RAB33A: variants seen among roughly 807,000 people sequenced by gnomAD.
RAB33A encodes the protein ras-related protein Rab-33A.
RAB33A carries 6 observed loss-of-function variants against 12.0 expected under a neutral mutation model. The ratio of observed to expected loss-of-function variants is 0.50; its 90% confidence interval spans 0.27 to 0.99. RAB33A has a LOEUF of 0.99. Among genes scored for constraint, RAB33A ranks in the 50% least tolerant of loss-of-function variants. RAB33A has a pLI of 0.11. For missense variants in RAB33A, 109 were observed against 192.0 expected (o/e 0.57, Z 2.55); for synonymous variants, 70 against 82.4 (o/e 0.85, Z 0.81).
At chrX:130,150,442 TCTC>T in the RAB33A span, among the ~76,000 whole-genome samples, 2 of 97,430 alleles carry the variant, frequency 2.1e-5, no homozygotes, top group African/African-American at 7.5e-5. Flanking sequence ...TTCACGCCAT[TCTC>T]CTGCCTCAGC....
the RAB33A span, chrX:130,149,373 G>T: frequency 1.4e-6 from 1 of 693,245 alleles, no homozygotes; most frequent in Non-Finnish European, 2.3e-6. Flanking sequence ...TACCACCATT[G>T]CTTCTACAAG....
intron 1 of RAB33A, among the ~76,000 whole-genome samples, chrX:130,176,055 AC>A (rs999907046): frequency 1.8e-5 from 2 of 111,168 alleles, no homozygotes; most frequent in African/African-American, 6.6e-5. Flanking sequence ...GGTCCATCCA[AC>A]CCACAAGGCC....
Position 130,184,436 on chromosome X carries a change from G to T in RAB33A, c.410G>T (p.Gly137Val). 8.3e-7 allele frequency: 1 copy of T among 1,210,370 alleles called. No homozygotes were observed. Among genetic ancestry groups the T allele is most frequent in the Non-Finnish European group, 1.1e-6 (1 of 895,216 alleles). Reference protein sequence around the residue: ...NLKMWIQECNGHAVPPLVPKV... With the variant: ...NLKMWIQECNVHAVPPLVPKV... Reference sequence around the variant, plus strand: ...AAAATGTGGATCCAAGAATGCAATGGGCATGCTGTGCCCCCACTAGTCCCC... The same window carrying T: ...AAAATGTGGATCCAAGAATGCAATGTGCATGCTGTGCCCCCACTAGTCCCC... Residue 137 changes from glycine to valine, a missense_variant, in exon 2 of 2, where the codon GGG becomes GTG. Coordinates refer to ENST00000257017, the MANE Select transcript of RAB33A (RefSeq NM_004794.3).
the RAB33A span, chrX:130,138,584 A>G: frequency 6.0e-6 from 7 of 1,170,290 alleles, no homozygotes; most frequent in African/African-American, 8.9e-5. Flanking sequence ...GTCACTCCTC[A>G]ATACTCACCC....
the RAB33A span, among the ~76,000 whole-genome samples, chrX:130,135,659 C>G: frequency 6.3e-5 from 7 of 111,090 alleles, no homozygotes; most frequent in African/African-American, 2.3e-4. Context: ...GAGTAATTTT[C>G]CTTTCTAGGG....
At chrX:130,129,537 G>T in the RAB33A span, 27 of 1,204,526 alleles carry the variant, frequency 2.2e-5, no homozygotes, top group Non-Finnish European at 2.8e-5. Flanking sequence ...CAGTGGGTTT[G>T]CCAATTCCAC....
the RAB33A span, among the ~76,000 whole-genome samples, chrX:130,163,249 G>T: frequency 1.9e-5 from 2 of 105,346 alleles, no homozygotes; most frequent in African/African-American, 7.0e-5. Flanking sequence ...GGCAGAGGTT[G>T]CAGTGAGCCA....
the RAB33A span, among the ~76,000 whole-genome samples, chrX:130,111,509 A>T: frequency 8.9e-6 from 1 of 112,478 alleles, no homozygotes; most frequent in Non-Finnish European, 1.9e-5. Flanking sequence ...TTGGAACCAT[A>T]TGCCCGACTC....
At chrX:130,146,865 G>A in the RAB33A span, among the ~76,000 whole-genome samples, 5 of 112,222 alleles carry the variant, frequency 4.5e-5, no homozygotes, top group Non-Finnish European at 9.4e-5. Context: ...GTCTAGGCAA[G>A]TATAAAGAAG....
intron 1 of RAB33A, among the ~76,000 whole-genome samples, chrX:130,174,431 G>A (rs1256088180): frequency 8.9e-6 from 1 of 112,113 alleles, no homozygotes; most frequent in African/African-American, 3.2e-5. Flanking sequence ...TCAGGACCAT[G>A]CTGGCAGGCG....
At chrX:130,137,308 C>G in the RAB33A span, 2 of 1,184,337 alleles carry the variant, frequency 1.7e-6, no homozygotes, top group South Asian at 3.7e-5. Context: ...CAATCCAGGC[C>G]GAGCGCCCAC....
At chrX:130,157,385 G>A in the RAB33A span, among the ~76,000 whole-genome samples, 1 of 112,019 alleles carries the variant, frequency 8.9e-6, no homozygotes, top group East Asian at 2.8e-4. Flanking sequence ...TTCAGATAAA[G>A]GAAGGTCTCA....
the RAB33A span, chrX:130,156,649 A>C: frequency 5.2e-6 from 6 of 1,156,447 alleles, no homozygotes; most frequent in African/African-American, 8.9e-5. Context: ...AAAATAAAAT[A>C]GTTAATACAT....
chrX:130,129,540 A>G, the RAB33A span: 6 of 1,207,625 alleles, frequency 5.0e-6, no homozygotes, highest in Non-Finnish European at 6.7e-6. Flanking sequence ...TGGGTTTGCC[A>G]ATTCCACTGT....
At chrX:130,121,984 T>C in the RAB33A span, among the ~76,000 whole-genome samples, 2 of 111,205 alleles carry the variant, frequency 1.8e-5, no homozygotes, top group Admixed American at 9.5e-5. Context: ...AAGTGTGGAG[T>C]GTTCTGAGCC....
the RAB33A span, among the ~76,000 whole-genome samples, chrX:130,119,137 C>CA: frequency 9.0e-6 from 1 of 110,955 alleles, no homozygotes; most frequent in African/African-American, 3.3e-5. Flanking sequence ...ATGTGTCAGC[C>CA]AAGGATGAAA....
chrX:130,178,211 C>T (rs913317691), intron 1 of RAB33A, among the ~76,000 whole-genome samples: 2 of 108,953 alleles, frequency 1.8e-5, no homozygotes, highest in African/African-American at 3.4e-5. Context: ...CCAGTTACTC[C>T]GAAGGCTGAA....
At chrX:130,165,775 T>C in the RAB33A span, 11 of 615,638 alleles carry the variant, frequency 1.8e-5, no homozygotes, top group Non-Finnish European at 2.7e-5. Context: ...TTACGCAGAC[T>C]CCTCCTCCCA....
upstream of RAB33A, among the ~76,000 whole-genome samples, chrX:130,168,982 C>T (rs1331104384): frequency 3.6e-5 from 4 of 110,016 alleles, no homozygotes; most frequent in East Asian, 2.9e-4. Context: ...CCAAGGCGGG[C>T]GGATCACGAG....
Sources: allele counts gnomAD v4.1 joint callset (sites outside exome capture counted in the v4.1 genomes callset), GRCh38; gene constraint gnomAD v4.1.1; transcripts MANE v1.5; gene names NCBI Gene and HGNC (gene_info 2026-07-23, HGNC 2026-07-21).